GRID2: variants seen among roughly 807,000 people sequenced by gnomAD.
GRID2 encodes the protein glutamate ionotropic receptor delta type subunit 2, also known as glutamate receptor ionotropic, delta-2.
GRID2 carries 33 observed loss-of-function variants against 114.8 expected under a neutral mutation model. The observed-to-expected ratio is 0.29, with a 90% CI of 0.22 to 0.38. The LOEUF is 0.38. Among genes scored for constraint, GRID2 ranks in the 10% least tolerant of loss-of-function variants. The pLI, the probability that GRID2 is intolerant of heterozygous loss-of-function variation, is 1.00. For missense variants in GRID2, 1,184 were observed against 1,257.7 expected (o/e 0.94, Z 0.89); for synonymous variants, 505 against 449.9 (o/e 1.12, Z -1.55).
At chr4:93,265,229 A>G (rs1750692345) in intron 8 of GRID2, among the ~76,000 whole-genome samples, 1 of 147,044 alleles carries the variant, frequency 6.8e-6, no homozygotes, top group African/African-American at 2.7e-5. Flanking sequence ...ATTTACCTGC[A>G]GTTGAGACAT....
At chr4:93,173,188 G>T (rs1329276662) in intron 4 of GRID2, among the ~76,000 whole-genome samples, 1 of 152,034 alleles carries the variant, frequency 6.6e-6, no homozygotes, top group African/African-American at 2.4e-5. Flanking sequence ...AAACTAGTTA[G>T]AAAATTAATC....
chr4:93,517,271 C>T (rs1472000062), intron 13 of GRID2, among the ~76,000 whole-genome samples: 2 of 151,812 alleles, frequency 1.3e-5, no homozygotes, highest in African/African-American at 4.8e-5. Flanking sequence ...TTTAATATTT[C>T]CTAATCTTAA....
intron 8 of GRID2, among the ~76,000 whole-genome samples, chr4:93,305,014 G>T (rs1348283052): frequency 2.0e-5 from 3 of 152,122 alleles, no homozygotes; most frequent in Non-Finnish European, 4.4e-5. Context: ...TTGATTAAAT[G>T]TCCAAATTCA....
chr4:92,437,650 T>C (rs1257439280), intron 1 of GRID2, among the ~76,000 whole-genome samples: 1 of 152,244 alleles, frequency 6.6e-6, no homozygotes, highest in Non-Finnish European at 1.5e-5. Context: ...ATTATTCATA[T>C]GTCCTTTTCT....
chr4:93,208,294 G>C (rs1316238499), intron 5 of GRID2, among the ~76,000 whole-genome samples: 1 of 151,914 alleles, frequency 6.6e-6, no homozygotes, highest in Non-Finnish European at 1.5e-5. Context: ...GTTTGATCCT[G>C]GCTATAAAAC....
At chr4:93,147,346 G>T (rs965474005) in intron 4 of GRID2, among the ~76,000 whole-genome samples, 4 of 152,106 alleles carry the variant, frequency 2.6e-5, no homozygotes, top group African/African-American at 9.7e-5. Flanking sequence ...ACTAATGGAT[G>T]ATCAAATATT....
At chr4:92,843,221 G>A (rs188882738) in intron 2 of GRID2, among the ~76,000 whole-genome samples, 173 of 151,984 alleles carry the variant, frequency 1.1e-3, no homozygotes, top group Admixed American at 3.0e-3. Context: ...CAGCCTGGGC[G>A]ACAGAGTAAG....
intron 1 of GRID2, among the ~76,000 whole-genome samples, chr4:92,328,145 G>A (rs1726692508): frequency 6.6e-6 from 1 of 152,010 alleles, no homozygotes; most frequent in Non-Finnish European, 1.5e-5. Flanking sequence ...ACATTCAAGA[G>A]GGAGAATGAC....
intron 14 of GRID2, among the ~76,000 whole-genome samples, chr4:93,724,559 A>G (rs868000570): frequency 1.3e-5 from 2 of 152,104 alleles, no homozygotes; most frequent in Non-Finnish European, 2.9e-5. Flanking sequence ...TCTCTTCTCT[A>G]TGTCCTTCAT....
intron 8 of GRID2, among the ~76,000 whole-genome samples, chr4:93,323,658 A>G (rs979437776): frequency 6.6e-6 from 1 of 152,074 alleles, no homozygotes; most frequent in Non-Finnish European, 1.5e-5. Flanking sequence ...TTTTCATGAT[A>G]TTGATTCTTC....
At chr4:93,094,888 A>AAATT (rs76221574) in intron 3 of GRID2, among the ~76,000 whole-genome samples, 1 of 152,024 alleles carries the variant, frequency 6.6e-6, no homozygotes, top group South Asian at 2.1e-4. Context: ...ATAAATAAGC[A>AAATT]AATTAATTAA....
intron 1 of GRID2, among the ~76,000 whole-genome samples, chr4:92,508,338 C>T (rs1724077203): frequency 2.0e-5 from 3 of 151,824 alleles, no homozygotes; most frequent in Non-Finnish European, 4.4e-5. Context: ...TAAGGTATGG[C>T]AGTAAATACT....
At chr4:92,451,497 A>G (rs1443247427) in intron 1 of GRID2, among the ~76,000 whole-genome samples, 5 of 152,152 alleles carry the variant, frequency 3.3e-5, no homozygotes, top group South Asian at 2.1e-4. Flanking sequence ...ACACGCATAC[A>G]ATAGAATTTC....
chr4:93,047,173 T>TA (rs1311071826), intron 2 of GRID2, among the ~76,000 whole-genome samples: 2 of 151,872 alleles, frequency 1.3e-5, no homozygotes, highest in Non-Finnish European at 2.9e-5. Context: ...GACAAGGTTA[T>TA]AAAAAAATAA....
chr4:93,326,748 C>T (rs1757878221), intron 8 of GRID2, among the ~76,000 whole-genome samples: 2 of 152,146 alleles, frequency 1.3e-5, no homozygotes, highest in Admixed American at 1.3e-4. Context: ...AGTTAAATCT[C>T]TAGGATTGAC....
intron 2 of GRID2, among the ~76,000 whole-genome samples, chr4:92,647,005 A>G (rs1482691739): frequency 6.6e-6 from 1 of 152,194 alleles, no homozygotes; most frequent in Non-Finnish European, 1.5e-5. Context: ...CGGTAGTAGC[A>G]GTACAACTTG....
chr4:92,928,358 T>C (rs1749986506), intron 2 of GRID2, among the ~76,000 whole-genome samples: 1 of 151,664 alleles, frequency 6.6e-6, no homozygotes, highest in African/African-American at 2.4e-5. Context: ...TTTCATGATA[T>C]TTAGAAGTAG....
chr4:93,437,384 A>C (rs1721197504), intron 10 of GRID2, among the ~76,000 whole-genome samples: 1 of 65,200 alleles, frequency 1.5e-5, no homozygotes, highest in Admixed American at 1.4e-4. Context: ...CAGTTTCCAG[A>C]GAAAAACAGT....
chr4:93,131,972 C>G (rs1242790793), intron 4 of GRID2, among the ~76,000 whole-genome samples: 1 of 152,090 alleles, frequency 6.6e-6, no homozygotes, highest in African/African-American at 2.4e-5. Flanking sequence ...ATTTTAGGAA[C>G]TTGTTCTTTA....
Sources: allele counts gnomAD v4.1 joint callset (sites outside exome capture counted in the v4.1 genomes callset), GRCh38; gene constraint gnomAD v4.1.1; transcripts MANE v1.5; gene names NCBI Gene and HGNC (gene_info 2026-07-23, HGNC 2026-07-21).